IMMP2L: variants seen among roughly 807,000 people sequenced by gnomAD.
IMMP2L encodes the protein inner mitochondrial membrane peptidase subunit 2, also known as mitochondrial inner membrane protease subunit 2.
IMMP2L carries 18 observed loss-of-function variants against 19.3 expected under a neutral mutation model. The observed-to-expected ratio is 0.93, with a 90% CI of 0.64 to 1.38. The LOEUF (loss-of-function observed/expected upper bound fraction) is 1.38. IMMP2L is among the 40% of genes most tolerant of loss of function. The pLI is 0.00. For missense variants in IMMP2L, 233 were observed against 218.2 expected (o/e 1.07, Z -0.43); for synonymous variants, 76 against 73.0 (o/e 1.04, Z -0.21).
intron 4 of IMMP2L, among the ~76,000 whole-genome samples, chr7:110,906,650 C>T (rs1189471522): frequency 6.6e-6 from 1 of 151,830 alleles, no homozygotes; most frequent in African/African-American, 2.4e-5. Context: ...TCTGCTTAGC[C>T]ATATGATGGT....
chr7:111,418,086 T>C (rs1014326990), intron 3 of IMMP2L, among the ~76,000 whole-genome samples: 13 of 151,910 alleles, frequency 8.6e-5, no homozygotes, highest in Non-Finnish European at 1.9e-4. Flanking sequence ...CCTATAGATG[T>C]GGAAAAGGTA....
At chr7:110,664,075 A>T (rs576571533) in intron 5 of IMMP2L, among the ~76,000 whole-genome samples, 1 of 152,190 alleles carries the variant, frequency 6.6e-6, no homozygotes, top group East Asian at 1.9e-4. Flanking sequence ...CTGTGTTTAG[A>T]ACCAAGCAGT....
chr7:110,684,850 C>T (rs7796708), intron 5 of IMMP2L, among the ~76,000 whole-genome samples: 4,076 of 152,144 alleles, frequency 0.027, 69 homozygotes, highest in Middle Eastern at 0.088. Context: ...GTAGAACCTG[C>T]CCTGCCTATG....
At chr7:111,390,568 T>A (rs1027767248) in intron 3 of IMMP2L, 20 of 152,188 alleles carry the variant, frequency 1.3e-4, no homozygotes, top group Admixed American at 1.0e-3. Context: ...CTCATCCATT[T>A]ACCTTCTCAT....
At chr7:111,332,939 G>T (rs1826020691) in intron 3 of IMMP2L, among the ~76,000 whole-genome samples, 1 of 152,046 alleles carries the variant, frequency 6.6e-6, no homozygotes, top group African/African-American at 2.4e-5. Flanking sequence ...CTCCACAATG[G>T]AGGTAAGGGA....
chr7:110,718,149 C>T (rs368472276), intron 5 of IMMP2L, among the ~76,000 whole-genome samples: 1 of 152,182 alleles, frequency 6.6e-6, no homozygotes, highest in African/African-American at 2.4e-5. Flanking sequence ...TGATGATAAC[C>T]CCCAGATTTA....
chr7:111,259,443 T>G (rs935413750), intron 3 of IMMP2L, among the ~76,000 whole-genome samples: 25 of 152,146 alleles, frequency 1.6e-4, no homozygotes, highest in South Asian at 6.2e-4. Flanking sequence ...TAGACCAGCC[T>G]GGGTAACATA....
At chr7:111,158,971 C>G (rs1394325951) in intron 3 of IMMP2L, among the ~76,000 whole-genome samples, 1 of 152,060 alleles carries the variant, frequency 6.6e-6, no homozygotes, top group Admixed American at 6.5e-5. Context: ...GCTTAATATC[C>G]ACATACTTAT....
intron 3 of IMMP2L, among the ~76,000 whole-genome samples, chr7:111,485,109 T>C (rs906681210): frequency 6.6e-6 from 1 of 152,114 alleles, no homozygotes; most frequent in South Asian, 2.1e-4. Flanking sequence ...CTTTAAATAA[T>C]GCTAAAGAAG....
chr7:110,883,066 G>C (rs1365229977), intron 5 of IMMP2L, among the ~76,000 whole-genome samples: 1 of 151,938 alleles, frequency 6.6e-6, no homozygotes, highest in Non-Finnish European at 1.5e-5. Flanking sequence ...CTTTTCACTG[G>C]TTTTTAAAAA....
intron 3 of IMMP2L, among the ~76,000 whole-genome samples, chr7:111,318,092 G>A (rs1480801510): frequency 2.6e-5 from 4 of 152,004 alleles, no homozygotes. Flanking sequence ...AGCCATGAAG[G>A]ATTAGGGAAG....
chr7:111,003,198 T>C (rs1352192300), intron 3 of IMMP2L, among the ~76,000 whole-genome samples: 1 of 152,186 alleles, frequency 6.6e-6, no homozygotes, highest in Non-Finnish European at 1.5e-5. Context: ...TTATTACTAA[T>C]AATTTGCTTG....
intron 5 of IMMP2L, among the ~76,000 whole-genome samples, chr7:110,796,729 A>G (rs1800887272): frequency 6.6e-6 from 1 of 152,064 alleles, no homozygotes; most frequent in African/African-American, 2.4e-5. Flanking sequence ...TACAACCCAC[A>G]GCTCTGCTTA....
chr7:111,014,088 G>C (rs969893576), intron 3 of IMMP2L, among the ~76,000 whole-genome samples: 3 of 152,152 alleles, frequency 2.0e-5, no homozygotes, highest in Admixed American at 1.3e-4. Flanking sequence ...AACAGGCCAG[G>C]TGTGGTGCCT....
intron 3 of IMMP2L, among the ~76,000 whole-genome samples, chr7:111,356,983 T>C (rs1381767224): frequency 6.6e-6 from 1 of 152,090 alleles, no homozygotes; most frequent in Non-Finnish European, 1.5e-5. Flanking sequence ...ATGGTGCCAT[T>C]GCACTCCAGC....
chr7:110,673,063 T>G (rs1272402787), intron 5 of IMMP2L, among the ~76,000 whole-genome samples: 3 of 152,236 alleles, frequency 2.0e-5, no homozygotes, highest in Non-Finnish European at 2.9e-5. Flanking sequence ...AGGCTCTTCA[T>G]GAGAGCTCCC....
chr7:111,429,231 A>G (rs1191480526), intron 3 of IMMP2L, among the ~76,000 whole-genome samples: 1 of 151,912 alleles, frequency 6.6e-6, no homozygotes, highest in Non-Finnish European at 1.5e-5. Context: ...ATATAGGTAC[A>G]CACATGTGGG....
chr7:110,790,752 G>A, intron 5 of IMMP2L, among the ~76,000 whole-genome samples: 1 of 151,668 alleles, frequency 6.6e-6, no homozygotes, highest in East Asian at 1.9e-4. Flanking sequence ...AAGTCCCAGA[G>A]CAATGTTCAA....
intron 3 of IMMP2L, among the ~76,000 whole-genome samples, chr7:111,418,157 T>C (rs12673775): frequency 0.04 from 6,077 of 151,930 alleles, 212 homozygotes; most frequent in East Asian, 0.12. Flanking sequence ...TCACTGACCA[T>C]CTTTTACGAA....
Sources: allele counts gnomAD v4.1 joint callset (sites outside exome capture counted in the v4.1 genomes callset), GRCh38; gene constraint gnomAD v4.1.1; transcripts MANE v1.5; gene names NCBI Gene and HGNC (gene_info 2026-07-23, HGNC 2026-07-21).